Variants in IGSF21 observed in about 807,000 individuals in gnomAD.
IGSF21 encodes the protein immunoglobulin superfamily member 21.
A neutral mutation model predicts 46.8 loss-of-function variants in IGSF21; 28 were observed. That is an observed-to-expected ratio of 0.60 (90% CI 0.44 to 0.82). The LOEUF (loss-of-function observed/expected upper bound fraction) is 0.82, where lower values mean the gene tolerates loss of function less well. Among genes scored for constraint, IGSF21 ranks in the 40% least tolerant of loss-of-function variants. The pLI, the probability that IGSF21 is intolerant of heterozygous loss-of-function variation, is 0.00. For synonymous variants in IGSF21, 284 were observed against 273.6 expected (o/e 1.04, Z -0.38); for missense variants, 624 against 665.5 (o/e 0.94, Z 0.69).
intron 3 of IGSF21, among the ~76,000 whole-genome samples, chr1:18,305,364 T>C (rs2085410294): frequency 6.7e-6 from 1 of 148,488 alleles, no homozygotes. Context: ...GATAGATGCA[T>C]GGACGGATGG....
At chr1:18,364,997 G>A (rs888522152) in intron 5 of IGSF21, among the ~76,000 whole-genome samples, 1 of 152,170 alleles carries the variant, frequency 6.6e-6, no homozygotes, top group East Asian at 1.9e-4. Flanking sequence ...TAAATGATGG[G>A]ATTGGGCTAA....
intron 1 of IGSF21, among the ~76,000 whole-genome samples, chr1:18,171,922 CT>C (rs1429050421): frequency 2.6e-5 from 4 of 152,182 alleles, no homozygotes; most frequent in African/African-American, 9.7e-5. Context: ...TGATACAGTT[CT>C]GTTCAATTAG....
chr1:18,188,539 G>A (rs1032442133), intron 1 of IGSF21, among the ~76,000 whole-genome samples: 88 of 152,228 alleles, frequency 5.8e-4, no homozygotes, highest in African/African-American at 1.9e-3. Flanking sequence ...AATTAATAAC[G>A]GTGACATTTT....
chr1:18,119,107 T>C (rs2086211688), intron 1 of IGSF21, among the ~76,000 whole-genome samples: 1 of 151,836 alleles, frequency 6.6e-6, no homozygotes, highest in South Asian at 2.1e-4. Flanking sequence ...AGAACTTACC[T>C]ATTCCCTTCT....
chr1:18,166,047 A>G (rs1392207747), intron 1 of IGSF21, among the ~76,000 whole-genome samples: 2 of 152,230 alleles, frequency 1.3e-5, no homozygotes, highest in Non-Finnish European at 1.5e-5. Flanking sequence ...CTCTCGTGGT[A>G]AAACTGCTAG....
intron 4 of IGSF21, among the ~76,000 whole-genome samples, chr1:18,340,202 A>G (rs1279812810): frequency 2.0e-5 from 3 of 151,454 alleles, no homozygotes; most frequent in Admixed American, 6.6e-5. Context: ...GGAGTTTCCA[A>G]TGAACAAGGA....
chr1:18,314,806 G>A (rs2085524425), intron 3 of IGSF21, among the ~76,000 whole-genome samples: 1 of 152,186 alleles, frequency 6.6e-6, no homozygotes, highest in African/African-American at 2.4e-5. Flanking sequence ...GGTGGGAGGG[G>A]CTCAAAACCT....
At chr1:18,350,562 T>C (rs954846257) in intron 4 of IGSF21, among the ~76,000 whole-genome samples, 2 of 152,078 alleles carry the variant, frequency 1.3e-5, no homozygotes, top group Non-Finnish European at 2.9e-5. Context: ...GATGGGTGCA[T>C]GAATGTTCAT....
In IGSF21 at chr1:18,335,782, C is replaced by T. The variant is rs1463641849; in HGVS notation, c.424+772C>T. Among the ~76,000 whole-genome samples, 1 of 152,128 alleles carries T rather than the reference C, an allele frequency of 6.6e-6. No homozygotes were observed. The highest frequency in any genetic ancestry group is 2.4e-5 in the African/African-American group (1 of 41,414). ...AGGCAATCGATGAAAGCATAAAGGC[C>T]CTGCTGAAAGCCGCCGCTTCTGGGG... On this transcript the variant is annotated intron_variant, in intron 4 of 9. Coordinates refer to ENST00000251296, the MANE Select transcript of IGSF21 (RefSeq NM_032880.5). This position sits in a 1 kb window ranked among gnomAD's most constrained non-coding sequence, Gnocchi z 4.8.
chr1:18,206,556 A>G (rs1270012253), intron 1 of IGSF21, among the ~76,000 whole-genome samples: 2 of 152,116 alleles, frequency 1.3e-5, no homozygotes, highest in Non-Finnish European at 2.9e-5. Flanking sequence ...CTCAAAAAAA[A>G]AAAAAAAAAG....
At chr1:18,313,623 G>A (rs539991797) in intron 3 of IGSF21, among the ~76,000 whole-genome samples, 4 of 152,246 alleles carry the variant, frequency 2.6e-5, no homozygotes, top group South Asian at 4.2e-4. Flanking sequence ...TATTGTGCTG[G>A]GCTCCAGGGA....
intron 1 of IGSF21, among the ~76,000 whole-genome samples, chr1:18,215,156 G>C (rs1164083240): frequency 1.3e-5 from 2 of 152,186 alleles, no homozygotes; most frequent in Non-Finnish European, 2.9e-5. Flanking sequence ...CCCCTGACAC[G>C]TGGGGATTAC....
intron 3 of IGSF21, among the ~76,000 whole-genome samples, chr1:18,294,892 G>A (rs772895383): frequency 6.6e-6 from 1 of 152,240 alleles, no homozygotes; most frequent in Non-Finnish European, 1.5e-5. Flanking sequence ...GGCTGGCGAC[G>A]GGGCGCGGGA....
Position 18,172,974 on chromosome 1 carries a change from T to C in IGSF21, c.71-54924T>C, listed in dbSNP as rs919044226. ...CCTACTCTGGGAAAGATAATTAATA[T>C]AAAATTTTTCACATTTTAAAAAAAC... On this transcript the variant is annotated intron_variant, in intron 1 of 9. Coordinates refer to ENST00000251296, the MANE Select transcript of IGSF21 (RefSeq NM_032880.5). Among the ~76,000 whole-genome samples, 5 of 152,244 alleles carry C rather than the reference T, an allele frequency of 3.3e-5. No homozygotes were observed. In the South Asian group the frequency reaches 8.3e-4, roughly 25 times the overall value.
At chr1:18,326,131 T>A (rs1204278748) in intron 3 of IGSF21, among the ~76,000 whole-genome samples, 1 of 152,178 alleles carries the variant, frequency 6.6e-6, no homozygotes, top group Non-Finnish European at 1.5e-5. Context: ...CCAGACACTT[T>A]ATCGCCAGTT....
At chr1:18,221,095 G>A (rs1439100986) in intron 1 of IGSF21, among the ~76,000 whole-genome samples, 2 of 152,154 alleles carry the variant, frequency 1.3e-5, no homozygotes, top group African/African-American at 2.4e-5. Context: ...GAGAACCCAA[G>A]AGCAGCCATG....
At chr1:18,130,365 C>G (rs2086307263) in intron 1 of IGSF21, among the ~76,000 whole-genome samples, 1 of 152,206 alleles carries the variant, frequency 6.6e-6, no homozygotes, top group Non-Finnish European at 1.5e-5. Context: ...ACGGAGCAGT[C>G]AGGATGAACC....
intron 1 of IGSF21, among the ~76,000 whole-genome samples, chr1:18,212,855 T>A (rs2883732): frequency 6.6e-6 from 1 of 151,650 alleles, no homozygotes; most frequent in Non-Finnish European, 1.5e-5. Context: ...GTTAAGAAAA[T>A]GGGAATTCCC....
At chr1:18,223,554 C>G (rs1212125862) in intron 1 of IGSF21, among the ~76,000 whole-genome samples, 2 of 152,178 alleles carry the variant, frequency 1.3e-5, no homozygotes, top group Non-Finnish European at 2.9e-5. Flanking sequence ...GTGACAGAGG[C>G]ATATTTACAG....
Sources: gnomAD v4.1 joint callset for allele counts (sites outside exome capture counted in the v4.1 genomes callset) on GRCh38, gnomAD v4.1.1 for gene constraint, Gnocchi (gnomAD v3.1) non-coding constraint, MANE v1.5 for transcripts, NCBI Gene and HGNC (gene_info 2026-07-23, HGNC 2026-07-21) for gene names.